Variants in RASSF3 observed in about 807,000 individuals in gnomAD.
RASSF3 encodes ras association domain-containing protein 3.
In RASSF3, 19 loss-of-function variants were observed where a neutral mutation model predicts 19.9. That is an observed-to-expected ratio of 0.96 (90% CI 0.67 to 1.40). The LOEUF is 1.40. Among genes scored for constraint, RASSF3 ranks in the 40% most tolerant of loss-of-function variants. The pLI, the probability that RASSF3 is intolerant of heterozygous loss-of-function variation, is 0.00. For missense variants in RASSF3, 306 were observed against 289.8 expected (o/e 1.06, Z -0.41); for synonymous variants, 110 against 104.2 (o/e 1.06, Z -0.34).
At chr12:64,641,879 A>G (rs571622586) in intron 1 of RASSF3, among the ~76,000 whole-genome samples, 3 of 151,670 alleles carry the variant, frequency 2.0e-5, no homozygotes, top group South Asian at 2.1e-4. Flanking sequence ...AGTAGCTGGG[A>G]TAACAGGCAT....
intron 4 of RASSF3, 127 bp from the exon 5 acceptor site, chr12:64,694,636 A>T: frequency 9.7e-7 from 1 of 1,032,358 alleles, no homozygotes; most frequent in Non-Finnish European, 1.4e-6. Flanking sequence ...GCTCTTGCAG[A>T]CCACACCTTC....
chr12:64,570,097 T>C lies in RASSF3; in HGVS notation c.294+28392T>C, dbSNP rs1392401222. 2.6e-5 allele frequency among the ~76,000 whole-genome samples: 4 copies of C among 152,238 alleles called. No individual in the cohort carries two copies. The East Asian group carries it at 7.7e-4, about 29-fold the overall frequency. ...GTGAACAACTGTGGCTCACTCTACC[T>C]TCCGCCTTGGCTGTTTCAGATTTGA... is the stretch of plus-strand genomic sequence containing the variant. On this transcript the variant is annotated intron_variant, in intron 2 of 5. Coordinates refer to the RASSF3 transcript ENST00000637125.
chr12:64,687,455 TTTG>T (rs1873402907), intron 2 of RASSF3, among the ~76,000 whole-genome samples: 1 of 151,970 alleles, frequency 6.6e-6, no homozygotes, highest in Non-Finnish European at 1.5e-5. Context: ...TTTGTTTTTT[TTTG>T]TTTTGTTTTG....
intron 2 of RASSF3, among the ~76,000 whole-genome samples, chr12:64,591,301 G>A (rs1869918098): frequency 6.6e-6 from 1 of 151,950 alleles, no homozygotes; most frequent in South Asian, 2.1e-4. Flanking sequence ...ATAGTGAAAC[G>A]CCATCTCTAC....
downstream of RASSF3, among the ~76,000 whole-genome samples, chr12:64,545,889 A>G (rs112839358): frequency 3.6e-3 from 541 of 152,202 alleles, 3 homozygotes; most frequent in African/African-American, 0.013. Context: ...AAGAAAAAAG[A>G]GAGAGACCAT....
At chr12:64,533,534 TAA>T (rs1868759550) in intron 1 of RASSF3, 1 of 152,208 alleles carries the variant, frequency 6.6e-6, no homozygotes, top group Non-Finnish European at 1.5e-5. Flanking sequence ...TTTCACAACT[TAA>T]GTTTTATTTC....
chr12:64,648,294 T>C (rs912128672), intron 1 of RASSF3, among the ~76,000 whole-genome samples: 4 of 152,052 alleles, frequency 2.6e-5, no homozygotes, highest in Non-Finnish European at 5.9e-5. Context: ...TGGGCAGTGG[T>C]GTGGCAGCAT....
At chr12:64,629,978 G>GAA (rs1303651016) in intron 1 of RASSF3, 5 of 117,796 alleles carry the variant, frequency 4.2e-5, no homozygotes, top group Non-Finnish European at 7.1e-5. Context: ...AAAAAAAAAA[G>GAA]AAAAAGAAAA....
chr12:64,656,439 G>C (rs1284028458), intron 1 of RASSF3, among the ~76,000 whole-genome samples: 1 of 152,132 alleles, frequency 6.6e-6, no homozygotes, highest in Admixed American at 6.6e-5. Flanking sequence ...TGTTATGTGA[G>C]TTATATCTCA....
intron 1 of RASSF3, among the ~76,000 whole-genome samples, chr12:64,679,391 T>G (rs1873033855): frequency 6.6e-6 from 1 of 152,236 alleles, no homozygotes; most frequent in Non-Finnish European, 1.5e-5. Context: ...CTATGTTTAT[T>G]TGGGCATTTT....
chr12:64,580,225 T>G (rs571499427), intron 2 of RASSF3, among the ~76,000 whole-genome samples: 5 of 152,236 alleles, frequency 3.3e-5, no homozygotes, highest in African/African-American at 1.2e-4. Flanking sequence ...TTATTCACAC[T>G]TTGGATTACA....
intron 2 of RASSF3, among the ~76,000 whole-genome samples, chr12:64,598,129 A>G (rs940016598): frequency 6.6e-6 from 1 of 151,818 alleles, no homozygotes; most frequent in African/African-American, 2.4e-5. Flanking sequence ...ATGTTGGCCA[A>G]GCTGACCTAG....
At chr12:64,636,962 G>A (rs899730581) in intron 1 of RASSF3, among the ~76,000 whole-genome samples, 2 of 151,632 alleles carry the variant, frequency 1.3e-5, no homozygotes, top group Non-Finnish European at 2.9e-5. Flanking sequence ...ACAATGCACA[G>A]AACTTTGTAC....
chr12:64,653,067 C>T (rs1431486112), intron 1 of RASSF3, among the ~76,000 whole-genome samples: 4 of 152,178 alleles, frequency 2.6e-5, no homozygotes, highest in Admixed American at 6.5e-5. Flanking sequence ...TGTCTGTGTC[C>T]GAATTTCCCC....
chr12:64,582,622 C>A (rs867329748), intron 2 of RASSF3, among the ~76,000 whole-genome samples: 1 of 152,070 alleles, frequency 6.6e-6, no homozygotes, highest in African/African-American at 2.4e-5. Context: ...GAGGAGTGCA[C>A]CTCAGAATGA....
Position 64,578,088 on chromosome 12 carries a change from G to A in RASSF3, c.294+36383G>A, listed in dbSNP as rs192959537. Among the ~76,000 whole-genome samples the A allele has an allele frequency of 4.4e-3, 672 of 151,638 alleles. 6 individuals carry two copies. The highest frequency in any genetic ancestry group is 0.016 in the African/African-American group (652 of 41,258). On this transcript the variant is annotated intron_variant, in intron 2 of 5. Transcript: ENST00000637125. ...ACAAAAATTAGCTGGGCATGGTGAC[G>A]GATGCCTGTAATCTGTCCCAGCTAC...
rs373511835 is a variant in RASSF3 at position 64,684,782 on chromosome 12, T to C, written c.112-5T>C. 35 of 1,596,236 alleles carry C rather than the reference T, an allele frequency of 2.2e-5. No homozygotes were observed. Among genetic ancestry groups the C allele is most frequent in the Non-Finnish European group, 3.0e-5 (35 of 1,164,054 alleles). On this transcript the variant is annotated splice_region_variant and splice_polypyrimidine_tract_variant and intron_variant, in intron 1 of 4. Transcript: ENST00000542104. Reference sequence around the variant, plus strand: ...CACATGTGACATGTCTTGTTTTTCTTCTAGGATGTTGAGAAAGAGAAGGAA... The same window carrying C: ...CACATGTGACATGTCTTGTTTTTCTCCTAGGATGTTGAGAAAGAGAAGGAA...
At chr12:64,692,012 T>C (rs1868294184) in intron 4 of RASSF3, among the ~76,000 whole-genome samples, 3 of 152,178 alleles carry the variant, frequency 2.0e-5, no homozygotes, top group Non-Finnish European at 2.9e-5. Context: ...ATTCGATCTC[T>C]TTACCATGGA....
intron 1 of RASSF3, among the ~76,000 whole-genome samples, chr12:64,613,862 T>A (rs1272327405): frequency 1.3e-5 from 2 of 152,108 alleles, no homozygotes; most frequent in East Asian, 3.9e-4. Flanking sequence ...GTGGGAGCAT[T>A]GCTTAAGGCC....
Sources: gnomAD v4.1 joint callset for allele counts (sites outside exome capture counted in the v4.1 genomes callset) on GRCh38, gnomAD v4.1.1 for gene constraint, MANE v1.5 for transcripts, NCBI Gene and HGNC (gene_info 2026-07-23, HGNC 2026-07-21) for gene names.